The following CDH12 variants were observed in gnomAD, a reference collection of about 807,000 sequenced individuals.
CDH12 encodes cadherin 12, also known as cadherin-12.
A neutral mutation model predicts 74.1 loss-of-function variants in CDH12; 41 were observed. The observed-to-expected ratio is 0.55, with a 90% CI of 0.43 to 0.72. The LOEUF is 0.72. Ranked by LOEUF, CDH12 falls within the 30% of genes least tolerant of loss-of-function variation. The pLI, the probability that CDH12 is intolerant of heterozygous loss-of-function variation, is 0.00. For synonymous variants in CDH12, 399 were observed against 355.0 expected (o/e 1.12, Z -1.39); for missense variants, 945 against 977.2 (o/e 0.97, Z 0.44).
At chr5:22,135,655 G>T (rs532706344) in intron 4 of CDH12, among the ~76,000 whole-genome samples, 1 of 152,062 alleles carries the variant, frequency 6.6e-6, no homozygotes, top group East Asian at 1.9e-4. Context: ...TGAAGAGAAG[G>T]CTGGAGGTTT....
Position 21,750,786 on chromosome 5 carries a change from T to C in CDH12, c.*951A>G, listed in dbSNP as rs1579629493. 1 of 152,154 alleles carries C rather than the reference T, an allele frequency of 6.6e-6. No homozygotes were observed. 9.4% of individuals were successfully genotyped at this position (152,154 alleles called of 1,614,324 possible). ...CACTTTTTTCTTCTAAGAATTTTCA[T>C]AGAAACACAACTTGAAATTACATCT... On this transcript the variant is annotated 3_prime_UTR_variant, in exon 15 of 15. Transcript: ENST00000382254.
At chr5:22,368,000 T>C (rs1023332309) in intron 3 of CDH12, among the ~76,000 whole-genome samples, 1 of 152,288 alleles carries the variant, frequency 6.6e-6, no homozygotes, top group Admixed American at 6.5e-5. Flanking sequence ...AAATACGAAG[T>C]AAATTCTAAT....
chr5:21,843,643 T>C (rs982904914), intron 7 of CDH12, among the ~76,000 whole-genome samples: 28 of 151,708 alleles, frequency 1.8e-4, no homozygotes, highest in African/African-American at 6.5e-4. Flanking sequence ...GCCTCCGGAG[T>C]AGCTGGGATT....
At chr5:22,729,790 T>C (rs1364280114) in intron 1 of CDH12, among the ~76,000 whole-genome samples, 1 of 151,914 alleles carries the variant, frequency 6.6e-6, no homozygotes, top group Admixed American at 6.6e-5. Flanking sequence ...GCCTATGTGA[T>C]TGGCTAAATT....
At chr5:22,712,148 G>A (rs751119622) in intron 1 of CDH12, among the ~76,000 whole-genome samples, 3 of 151,724 alleles carry the variant, frequency 2.0e-5, no homozygotes, top group Non-Finnish European at 4.4e-5. Context: ...TCATCACATT[G>A]TTATACCTGT....
rs188638838 is a variant in CDH12 at position 22,251,150 on chromosome 5, T to A, written c.-332-38507A>T. 1.6e-3 allele frequency among the ~76,000 whole-genome samples: 238 copies of A among 152,182 alleles called. 3 individuals carry two copies. The Middle Eastern group carries it at 0.031, about 20-fold the overall frequency. Reference sequence around the variant, plus strand: ...AAGGTGGCAGATAAAAAGCTCATGGTGTATTTATTTTTGTCTTATTTCTTT... The same window carrying A: ...AAGGTGGCAGATAAAAAGCTCATGGAGTATTTATTTTTGTCTTATTTCTTT... On this transcript the variant is annotated intron_variant, in intron 3 of 14. Transcript: ENST00000382254.
intron 1 of CDH12, among the ~76,000 whole-genome samples, chr5:22,746,960 A>T (rs934764669): frequency 6.6e-6 from 1 of 152,178 alleles, no homozygotes; most frequent in African/African-American, 2.4e-5. Context: ...TTAATCCAAG[A>T]TAAAAACTTT....
intron 1 of CDH12, among the ~76,000 whole-genome samples, chr5:22,685,885 GT>G (rs1358835307): frequency 1.3e-5 from 2 of 152,140 alleles, no homozygotes; most frequent in Admixed American, 1.3e-4. Flanking sequence ...ATGGACATAT[GT>G]TTTTATTTTT....
intron 1 of CDH12, among the ~76,000 whole-genome samples, chr5:22,828,257 T>C (rs1001990438): frequency 6.6e-6 from 1 of 152,106 alleles, no homozygotes; most frequent in African/African-American, 2.4e-5. Context: ...ATAAATAATA[T>C]CATTATAGGT....
Position 22,646,663 on chromosome 5 carries a change from A to C in CDH12, c.-522-141299T>G, listed in dbSNP as rs145218496. ...AAGATTATAGATAAAAACAACAACA[A>C]CACCAACAATGAAATGCTTACACAT... On this transcript the variant is annotated intron_variant, in intron 1 of 14. Transcript: ENST00000382254. Among the ~76,000 whole-genome samples, 64 of 152,076 alleles carry C rather than the reference A, an allele frequency of 4.2e-4. No individual in the cohort carries two copies. In the East Asian group the frequency reaches 8.1e-3, roughly 19 times the overall value.
At chr5:21,827,151 A>G (rs1309498474) in intron 8 of CDH12, among the ~76,000 whole-genome samples, 1 of 152,214 alleles carries the variant, frequency 6.6e-6, no homozygotes, top group Non-Finnish European at 1.5e-5. Context: ...GATTGAAAAC[A>G]TAGTTCCTCA....
rs891296316 is a variant in CDH12 at position 22,078,800 on chromosome 5, G to C, written c.-124C>G. The C allele has an allele frequency of 3.8e-5, 56 of 1,459,762 alleles. No individual in the cohort carries two copies. Among genetic ancestry groups the C allele is most frequent in the Non-Finnish European group, 4.9e-5 (55 of 1,111,212 alleles). 90.4% of individuals were successfully genotyped at this position (1,459,762 alleles called of 1,614,324 possible). The stretch of plus-strand genomic sequence containing the variant: ...CTTCTTGTTTTATTGCAGAAATGAT[G>C]ATGCAGGCATTAATCCTTTTGATGA... On this transcript the variant is annotated 5_prime_UTR_variant, in exon 5 of 15. It adds an upstream start codon to the 5' untranslated region. Transcript: ENST00000382254.
intron 4 of CDH12, among the ~76,000 whole-genome samples, chr5:22,089,381 T>C (rs943101293): frequency 2.0e-5 from 3 of 152,046 alleles, no homozygotes; most frequent in Admixed American, 1.3e-4. Context: ...GAGAAACTAG[T>C]TATTGAAGGA....
chr5:22,180,481 GTTT>G (rs1415706789), intron 4 of CDH12, among the ~76,000 whole-genome samples: 1 of 116,354 alleles, frequency 8.6e-6, no homozygotes, highest in Admixed American at 8.1e-5. Flanking sequence ...AAAAATCACA[GTTT>G]TTGATTTTTT....
intron 9 of CDH12, among the ~76,000 whole-genome samples, chr5:21,803,795 C>T (rs964560968): frequency 1.3e-5 from 2 of 152,058 alleles, no homozygotes; most frequent in African/African-American, 4.8e-5. Context: ...AGTACCTGTT[C>T]CTTTACTGTA....
At chr5:22,007,994 A>G (rs1316670030) in intron 5 of CDH12, among the ~76,000 whole-genome samples, 1 of 152,204 alleles carries the variant, frequency 6.6e-6, no homozygotes, top group Non-Finnish European at 1.5e-5. Flanking sequence ...ACACAGGGAC[A>G]GAAAGAGAGA....
intron 1 of CDH12, among the ~76,000 whole-genome samples, chr5:22,776,003 C>T (rs1488751763): frequency 1.4e-4 from 21 of 152,050 alleles, no homozygotes; most frequent in Non-Finnish European, 7.4e-5. Context: ...GTAAGAAGTG[C>T]CTTTTGCCTC....
At chr5:22,015,331 G>A (rs1737538116) in intron 5 of CDH12, among the ~76,000 whole-genome samples, 1 of 151,988 alleles carries the variant, frequency 6.6e-6, no homozygotes, top group Admixed American at 6.6e-5. Context: ...TTAAATTTCA[G>A]AATACAACAG....
At chr5:22,356,178 T>G (rs530289939) in intron 3 of CDH12, among the ~76,000 whole-genome samples, 1 of 152,326 alleles carries the variant, frequency 6.6e-6, no homozygotes, top group East Asian at 1.9e-4. Context: ...AAAATCTGTT[T>G]GTGGTGTTTA....
Sources: gnomAD v4.1 joint callset for allele counts (sites outside exome capture counted in the v4.1 genomes callset) on GRCh38, gnomAD v4.1.1 for gene constraint, MANE v1.5 for transcripts, NCBI Gene and HGNC (gene_info 2026-07-23, HGNC 2026-07-21) for gene names.